CABLES2: variants seen among roughly 807,000 people sequenced by gnomAD.
The protein encoded by CABLES2 is CDK5 and ABL1 enzyme substrate 2.
CABLES2 carries 35 observed loss-of-function variants against 44.8 expected under a neutral mutation model. The ratio of observed to expected loss-of-function variants is 0.78; its 90% CI spans 0.60 to 1.04. CABLES2 has a LOEUF of 1.04. Ranked by LOEUF, CABLES2 falls within the 50% of genes least tolerant of loss-of-function variation. The probability of loss-of-function intolerance (pLI) is 0.00; values close to 1 mark genes in which losing one functional copy is unlikely to be tolerated. For synonymous variants in CABLES2, 282 were observed against 281.1 expected, an observed-to-expected ratio of 1.00 and a Z score of -0.03; for missense variants, 566 against 615.7, an observed-to-expected ratio of 0.92 and a Z score of 0.85.
intron 8 of CABLES2, among the ~76,000 whole-genome samples, chr20:62,392,116 G>A (rs1041261447): frequency 2.6e-5 from 4 of 151,870 alleles, no homozygotes; most frequent in Non-Finnish European, 5.9e-5. Flanking sequence ...TCCCACTCAA[G>A]TTTTAAAAAG....
In CABLES2 at chr20:62,396,283, G is replaced by T. The variant is rs539230145; in HGVS notation, c.527+32C>A. On this transcript the variant is annotated intron_variant, in intron 3 of 9. Coordinates refer to ENST00000279101, the MANE Select transcript of CABLES2 (RefSeq NM_031215.3). This position sits in a 1 kb window ranked among gnomAD's most constrained non-coding sequence, Gnocchi z 5.7. ...ACCCCGTGGGCTTATGGAGACCACA[G>T]CCCTGGCCCGGTTCCCGGCTCCGCT... The T allele has an allele frequency of 4.4e-6, 7 of 1,592,034 alleles. No homozygotes were observed. The South Asian group carries it at 6.6e-5, about 15-fold the overall frequency.
chr20:62,393,857 GCTGA>G (rs1987965008), intron 5 of CABLES2, among the ~76,000 whole-genome samples: 1 of 152,246 alleles, frequency 6.6e-6, no homozygotes, highest in African/African-American at 2.4e-5. Context: ...TCTGAAGACT[GCTGA>G]CCACCAGCAC....
At chr20:62,394,847 G>T in intron 4 of CABLES2, 90 bp downstream of exon 4, 2 of 1,192,338 alleles carry the variant, frequency 1.7e-6, no homozygotes, top group Non-Finnish European at 2.4e-6. Flanking sequence ...GGGGCGCAGT[G>T]CCCGCTGATG....
intron 1 of CABLES2, chr20:62,403,295 A>G (rs180745716): frequency 6.6e-6 from 1 of 152,254 alleles, no homozygotes; most frequent in Admixed American, 6.5e-5. Flanking sequence ...AGAGGGTCTT[A>G]GTTGAACTGT....
Position 62,391,289 on chromosome 20 carries a change from C to G in CABLES2, c.1256G>C (p.Ser419Thr). The G allele has an allele frequency of 6.2e-7, 1 of 1,612,934 alleles. No homozygotes were observed. The highest frequency in any genetic ancestry group is 8.5e-7 in the Non-Finnish European group (1 of 1,179,988). Reference sequence around the variant, plus strand: ...CACGCCGCTCTTGCGCAGGTCACTGCTGATCTTGGCAGCCAGCAGCACGCA... The same window carrying G: ...CACGCCGCTCTTGCGCAGGTCACTGGTGATCTTGGCAGCCAGCAGCACGCA... ...GACVLLAAKI[S>T]SDLRKSGVTQ... Residue 419 changes from serine to threonine, a missense_variant, in exon 9 of 10, where the codon AGC (serine) becomes ACC (threonine). By Grantham distance (58) the Ser-to-Thr change is moderately conservative. Around this residue, in one of 2 missense-constraint regions of CABLES2, gnomAD observed 436 missense variants for 536.3 expected, o/e 0.81. Transcript: ENST00000279101. This position sits in a 1 kb window ranked among gnomAD's most constrained non-coding sequence, Gnocchi z 5.7.
intron 1 of CABLES2, among the ~76,000 whole-genome samples, chr20:62,400,266 G>C (rs1411254911): frequency 6.6e-6 from 1 of 152,048 alleles, no homozygotes; most frequent in Non-Finnish European, 1.5e-5. Context: ...CCTGCACAGT[G>C]GGGTGGGTGG....
rs779429922 is a variant in CABLES2 at position 62,391,123 on chromosome 20, A to G, written c.1297-12T>C. 8 of 1,613,730 alleles carry G rather than the reference A, an allele frequency of 5.0e-6. No homozygotes were observed. Among genetic ancestry groups the G allele is most frequent in the Middle Eastern group, 1.7e-4 (1 of 6,060 alleles). ...CTTTCTTCTAACTTCTGCAGGGGAG[A>G]AGAGAGAAGGGTTACACGGGAGCCT... On this transcript the variant is annotated splice_polypyrimidine_tract_variant and intron_variant, in intron 9 of 9. Transcript: ENST00000279101. This position sits in a 1 kb window ranked among gnomAD's most constrained non-coding sequence, Gnocchi z 5.7.
chr20:62,391,223 C>T lies in CABLES2; in HGVS notation c.1296+26G>A, dbSNP rs752806987. 2 of 1,603,026 alleles carry T rather than the reference C, an allele frequency of 1.2e-6. No individual in the cohort carries two copies. Among genetic ancestry groups the T allele is most frequent in the Non-Finnish European group, 1.7e-6 (2 of 1,172,904 alleles). ...TGGCTCGATGTCATGACCCTGCCTG[C>T]AGTGCCTGCCGAGCCGGGCACTCAC... On this transcript the variant is annotated intron_variant, in intron 9 of 9. Coordinates refer to ENST00000279101, the MANE Select transcript of CABLES2 (RefSeq NM_031215.3). This position sits in a 1 kb window ranked among gnomAD's most constrained non-coding sequence, Gnocchi z 5.7.
At chr20:62,402,303 G>A (rs1988204279) in intron 1 of CABLES2, 1 of 152,246 alleles carries the variant, frequency 6.6e-6, no homozygotes, top group Non-Finnish European at 1.5e-5. Context: ...TGTAACGGAA[G>A]AAATGCCCAG....
In CABLES2 at chr20:62,407,243, G is replaced by T. The variant is rs1002455567; in HGVS notation, c.34C>A (p.Pro12Thr). Residue 12 changes from proline to threonine, a missense_variant, in exon 1 of 10, where the codon CCG becomes ACG. Physicochemically the swap from Pro to Thr is conservative, Grantham distance 38. Coordinates refer to ENST00000279101, the MANE Select transcript of CABLES2 (RefSeq NM_031215.3). ...AAAAAGGAPG[P>T]APGPAGPPPP... ...GGGGGCCCGGCGGGGCCGGGGGCCG[G>T]GCCCGGGGCTCCACCGGCCGCGGCC... 1 of 785,104 alleles carries T rather than the reference G, an allele frequency of 1.3e-6. No homozygotes were observed. The highest frequency in any genetic ancestry group is 1.5e-6 in the Non-Finnish European group (1 of 650,410). 48.6% of individuals were successfully genotyped at this position (785,104 alleles called of 1,614,324 possible).
intron 1 of CABLES2, among the ~76,000 whole-genome samples, chr20:62,398,043 A>ATGG (rs748551705): frequency 2.6e-5 from 2 of 78,228 alleles, no homozygotes; most frequent in Non-Finnish European, 5.5e-5. Flanking sequence ...AGTGATGGTG[A>ATGG]TGGTGGTGAT....
intron 4 of CABLES2, 133 bp from the exon 5 acceptor site, chr20:62,394,398 C>G: frequency 1.5e-6 from 1 of 678,386 alleles, no homozygotes; most frequent in South Asian, 1.7e-5. Context: ...AGAAAGGCGG[C>G]ACTGGTGTGA....
chr20:62,397,452 G>A (rs1253231951), intron 1 of CABLES2, among the ~76,000 whole-genome samples: 1 of 152,200 alleles, frequency 6.6e-6, no homozygotes, highest in East Asian at 1.9e-4. Flanking sequence ...AAACGTGCAG[G>A]CAAATATTTG....
rs762669994 is a variant in CABLES2 at position 62,396,272 on chromosome 20, T to C, written c.527+43A>G. 9 of 1,551,352 alleles carry C rather than the reference T, an allele frequency of 5.8e-6. No individual in the cohort carries two copies. Among genetic ancestry groups the C allele is most frequent in the Admixed American group, 5.0e-5 (3 of 59,922 alleles). On this transcript the variant is annotated intron_variant, in intron 3 of 9. Coordinates refer to ENST00000279101, the MANE Select transcript of CABLES2 (RefSeq NM_031215.3). This position sits in a 1 kb window ranked among gnomAD's most constrained non-coding sequence, Gnocchi z 5.7. ...ACAGGGGCAGGACCCCGTGGGCTTA[T>C]GGAGACCACAGCCCTGGCCCGGTTC... is the stretch of plus-strand genomic sequence containing the variant.
chr20:62,401,274 G>C (rs571803237), intron 1 of CABLES2, among the ~76,000 whole-genome samples: 2 of 152,252 alleles, frequency 1.3e-5, no homozygotes, highest in African/African-American at 4.8e-5. Flanking sequence ...GCGGCCAAGT[G>C]GGGAGGACGC....
Position 62,396,249 on chromosome 20 carries a change from AGG to A in CABLES2, c.527+64_527+65del. 1 of 1,356,356 alleles carries A rather than the reference AGG, an allele frequency of 7.4e-7. No homozygotes were observed. The highest frequency in any genetic ancestry group is 1.1e-6 in the Non-Finnish European group (1 of 948,088). 84.0% of individuals were successfully genotyped at this position (1,356,356 alleles called of 1,614,324 possible). On this transcript the variant is annotated intron_variant, in intron 3 of 9. Coordinates refer to ENST00000279101, the MANE Select transcript of CABLES2 (RefSeq NM_031215.3). This position sits in a 1 kb window ranked among gnomAD's most constrained non-coding sequence, Gnocchi z 5.7. The stretch of plus-strand genomic sequence containing the variant: ...GTGGAGGGAAGATTGCTTGGCTGAC[AGG>A]GGCAGGACCCCGTGGGCTTATGGAG...
chr20:62,399,270 G>T (rs527452727), intron 1 of CABLES2, among the ~76,000 whole-genome samples: 2 of 87,666 alleles, frequency 2.3e-5, no homozygotes, highest in African/African-American at 1.3e-4. Flanking sequence ...TTTTGAGATG[G>T]AGTCTCACTC....
At chr20:62,405,392 G>A (rs1219653668) in intron 1 of CABLES2, 2 of 152,346 alleles carry the variant, frequency 1.3e-5, no homozygotes, top group Non-Finnish European at 2.9e-5. Context: ...GCCACATTTG[G>A]GCAAATCCAT....
At chr20:62,395,582 C>T (rs1226861151) in intron 3 of CABLES2, among the ~76,000 whole-genome samples, 1 of 152,212 alleles carries the variant, frequency 6.6e-6, no homozygotes, top group Non-Finnish European at 1.5e-5. Context: ...CTCCCTTGGA[C>T]GCTGGCTCTG....
Sources: allele counts gnomAD v4.1 joint callset (sites outside exome capture counted in the v4.1 genomes callset), GRCh38; gene constraint gnomAD v4.1.1; regional missense constraint gnomAD v4.1.1; non-coding constraint Gnocchi (gnomAD v3.1); transcripts MANE v1.5; gene names NCBI Gene and HGNC (gene_info 2026-07-23, HGNC 2026-07-21).